ANAPC10: variants seen among roughly 807,000 people sequenced by gnomAD.
ANAPC10 encodes anaphase-promoting complex subunit 10.
A neutral mutation model predicts 22.0 loss-of-function variants in ANAPC10; 12 were observed. The ratio of observed to expected loss-of-function variants is 0.55; its 90% CI spans 0.35 to 0.88. The LOEUF is 0.88. Ranked by LOEUF, ANAPC10 falls within the 40% of genes least tolerant of loss-of-function variation. The probability of loss-of-function intolerance (pLI) is 0.01; values close to 1 mark genes in which losing one functional copy is unlikely to be tolerated. For missense variants in ANAPC10, 188 were observed against 220.9 expected, an observed-to-expected ratio of 0.85 and a Z score of 0.94; for synonymous variants, 65 against 69.5, an observed-to-expected ratio of 0.94 and a Z score of 0.32.
Position 145,089,647 on chromosome 4 carries a change from T to C in ANAPC10, c.115+6338A>G, listed in dbSNP as rs1321574469. 4.6e-5 allele frequency among the ~76,000 whole-genome samples: 7 copies of C among 152,182 alleles called. No homozygotes were observed. In the East Asian group the frequency reaches 1.3e-3, roughly 29 times the overall value. On this transcript the variant is annotated intron_variant, in intron 2 of 4. Transcript: ENST00000507656. Reference sequence around the variant, plus strand: ...TACTAAACACATTCCAACTTTAATCTGAATGAAATATTGAACCATTATTTC... The same window carrying C: ...TACTAAACACATTCCAACTTTAATCCGAATGAAATATTGAACCATTATTTC...
chr4:145,052,894 A>T (rs1050759530), intron 4 of ANAPC10, among the ~76,000 whole-genome samples: 1 of 152,086 alleles, frequency 6.6e-6, no homozygotes, highest in African/African-American at 2.4e-5. Flanking sequence ...TCTCAAAAAA[A>T]AAAAAAAAAG....
chr4:145,098,495 G>C (rs1158896598), upstream of ANAPC10: 3 of 152,354 alleles, frequency 2.0e-5, no homozygotes, highest in African/African-American at 7.2e-5. Flanking sequence ...GACGTTCTCC[G>C]AGAGCCTTTG....
intron 2 of ANAPC10, among the ~76,000 whole-genome samples, chr4:145,086,168 G>C (rs1164292471): frequency 2.6e-5 from 4 of 152,196 alleles, no homozygotes; most frequent in Admixed American, 2.6e-4. Flanking sequence ...TCACCATGTC[G>C]GCCAGATTGG....
At chr4:145,077,698 C>T (rs2126564287) in intron 3 of ANAPC10, among the ~76,000 whole-genome samples, 1 of 152,172 alleles carries the variant, frequency 6.6e-6, no homozygotes, top group African/African-American at 2.4e-5. Context: ...CTTTATTCCT[C>T]GGATGTAAGA....
chr4:145,076,248 G>C (rs1745179564), intron 3 of ANAPC10, among the ~76,000 whole-genome samples: 2 of 152,178 alleles, frequency 1.3e-5, no homozygotes, highest in Admixed American at 1.3e-4. Context: ...TACAGCAGTT[G>C]CTTATCTTGA....
intron 4 of ANAPC10, among the ~76,000 whole-genome samples, chr4:145,057,192 TATTA>T (rs1015966382): frequency 1.3e-5 from 2 of 152,242 alleles, no homozygotes; most frequent in African/African-American, 2.4e-5. Flanking sequence ...GAATTCCTGC[TATTA>T]AATCATTTCA....
intron 2 of ANAPC10, among the ~76,000 whole-genome samples, chr4:145,095,130 TAG>T (rs1748320303): frequency 6.6e-6 from 1 of 152,146 alleles, no homozygotes; most frequent in South Asian, 2.1e-4. Flanking sequence ...TTCAGTGCAT[TAG>T]AATTAAAATA....
intron 1 of ANAPC10, among the ~76,000 whole-genome samples, chr4:145,097,060 A>C (rs1748649452): frequency 6.6e-6 from 1 of 152,012 alleles, no homozygotes. Context: ...ATTCCAAAAA[A>C]TCAGCCTGGT....
chr4:145,095,749 TTTA>T (rs1432022780), intron 2 of ANAPC10, among the ~76,000 whole-genome samples: 4 of 152,212 alleles, frequency 2.6e-5, no homozygotes, highest in Non-Finnish European at 5.9e-5. Flanking sequence ...ATTGTTCTAT[TTTA>T]TTATTAATTA....
intron 4 of ANAPC10, among the ~76,000 whole-genome samples, chr4:145,017,670 C>T (rs1311433990): frequency 7.9e-5 from 12 of 152,162 alleles, no homozygotes; most frequent in East Asian, 7.7e-4. Context: ...CACATGCACA[C>T]GTATGTTTAT....
At chr4:145,038,551 G>A (rs916765006) in intron 4 of ANAPC10, among the ~76,000 whole-genome samples, 5 of 151,524 alleles carry the variant, frequency 3.3e-5, no homozygotes, top group Admixed American at 6.6e-5. Context: ...GCAGCCAGGC[G>A]CAATGGCTCA....
In ANAPC10 at chr4:145,097,036, C is replaced by G. The variant is rs33963546; in HGVS notation, c.-12-925G>C. On this transcript the variant is annotated intron_variant, in intron 1 of 4. Coordinates refer to ENST00000507656, the MANE Select transcript of ANAPC10 (RefSeq NM_001256706.2). Reference sequence around the variant, plus strand: ...GACCAGCCTGGAATATGGTGAAACCCTGTCTCTAAAAAAATTCCAAAAAAT... The same window carrying G: ...GACCAGCCTGGAATATGGTGAAACCGTGTCTCTAAAAAAATTCCAAAAAAT... 4.4e-3 allele frequency among the ~76,000 whole-genome samples: 665 copies of G among 152,194 alleles called. 3 individuals carry two copies. Among genetic ancestry groups the G allele is most frequent in the African/African-American group, 0.015 (611 of 41,544 alleles).
intron 3 of ANAPC10, among the ~76,000 whole-genome samples, chr4:145,076,408 C>T (rs981894567): frequency 1.3e-5 from 2 of 152,120 alleles, no homozygotes; most frequent in Non-Finnish European, 2.9e-5. Flanking sequence ...GTAAAACCCT[C>T]GATGACATCA....
At chr4:145,083,477 CTTTAA>C (rs1331424694) in intron 2 of ANAPC10, among the ~76,000 whole-genome samples, 1 of 152,066 alleles carries the variant, frequency 6.6e-6, no homozygotes, top group Non-Finnish European at 1.5e-5. Flanking sequence ...TCATTTGAAT[CTTTAA>C]TTTGATAAAT....
chr4:145,005,924 T>C (rs917438596), intron 4 of ANAPC10, among the ~76,000 whole-genome samples: 10 of 152,192 alleles, frequency 6.6e-5, no homozygotes, highest in African/African-American at 2.4e-4. Flanking sequence ...GAAAAATGTA[T>C]ATTCTGCTGT....
At chr4:145,061,774 T>C (rs1239515992) in intron 4 of ANAPC10, among the ~76,000 whole-genome samples, 5 of 152,158 alleles carry the variant, frequency 3.3e-5, no homozygotes, top group African/African-American at 9.7e-5. Flanking sequence ...ACTGATTAAA[T>C]GTATCAGATA....
chr4:144,995,822 T>C (rs532354189), intron 4 of ANAPC10, among the ~76,000 whole-genome samples: 13 of 152,310 alleles, frequency 8.5e-5, no homozygotes, highest in Non-Finnish European at 1.3e-4. Flanking sequence ...AAAATAAAAA[T>C]AGATGTGCTT....
intron 4 of ANAPC10, among the ~76,000 whole-genome samples, chr4:145,051,010 G>A (rs1043999244): frequency 5.9e-5 from 9 of 152,182 alleles, no homozygotes; most frequent in Non-Finnish European, 1.2e-4. Context: ...GGAGCAAGAG[G>A]CCTAGTTTTC....
chr4:145,079,461 G>T (rs1339174587), intron 3 of ANAPC10, among the ~76,000 whole-genome samples: 1 of 152,218 alleles, frequency 6.6e-6, no homozygotes, highest in African/African-American at 2.4e-5. Flanking sequence ...ACTGTGGAAA[G>T]CAGTTTGGAG....
Sources: allele counts gnomAD v4.1 joint callset (sites outside exome capture counted in the v4.1 genomes callset), GRCh38; gene constraint gnomAD v4.1.1; transcripts MANE v1.5; gene names NCBI Gene and HGNC (gene_info 2026-07-23, HGNC 2026-07-21).